UGT2B7: variants seen among roughly 807,000 people sequenced by gnomAD.
UGT2B7 encodes the protein UDP-glucuronosyltransferase 2B7.
In UGT2B7, 51 loss-of-function variants were observed where a neutral mutation model predicts 51.9. The ratio of observed to expected loss-of-function variants is 0.98; its 90% CI spans 0.78 to 1.24. The LOEUF is 1.24. Among genes scored for constraint, UGT2B7 ranks in the 50% most tolerant of loss-of-function variants. The probability of loss-of-function intolerance (pLI) is 0.00; values close to 1 mark genes in which losing one functional copy is unlikely to be tolerated. For missense variants in UGT2B7, 727 were observed against 628.4 expected (o/e 1.16, Z -1.68); for synonymous variants, 225 against 211.6 (o/e 1.06, Z -0.55).
chr4:69,106,641 G>A (rs184038850), intron 3 of UGT2B7, among the ~76,000 whole-genome samples: 2 of 152,094 alleles, frequency 1.3e-5, no homozygotes, highest in East Asian at 3.9e-4. Context: ...TGGGTTTCAT[G>A]GTATTTTTAC....
chr4:69,055,307 A>G (rs1024971864), intron 1 of UGT2B7, among the ~76,000 whole-genome samples: 1 of 150,792 alleles, frequency 6.6e-6, no homozygotes, highest in Non-Finnish European at 1.5e-5. Flanking sequence ...TGTCATTTAG[A>G]CTACTTAAAA....
intron 1 of UGT2B7, among the ~76,000 whole-genome samples, chr4:69,059,422 G>A (rs1171359751): frequency 6.6e-6 from 1 of 152,158 alleles, no homozygotes; most frequent in East Asian, 1.9e-4. Flanking sequence ...GATTACATTT[G>A]GGCCACAAGG....
chr4:69,055,098 TAAAAAAAAAAAAAAAA>T (rs1178892377), intron 1 of UGT2B7, among the ~76,000 whole-genome samples: 9 of 22,564 alleles, frequency 4.0e-4, no homozygotes, highest in East Asian at 2.1e-3. Context: ...AAGTAATAGC[TAAAAAAAAAAAAAAAA>T]AAAAAAAAAA....
At chr4:69,066,010 T>C (rs1011880555) in intron 1 of UGT2B7, among the ~76,000 whole-genome samples, 10 of 152,186 alleles carry the variant, frequency 6.6e-5, no homozygotes, top group Non-Finnish European at 1.5e-4. Flanking sequence ...AAAATATAGT[T>C]GTTCCATTTA....
At chr4:69,057,932 G>T (rs1316920360) in intron 1 of UGT2B7, among the ~76,000 whole-genome samples, 1 of 152,196 alleles carries the variant, frequency 6.6e-6, no homozygotes, top group Non-Finnish European at 1.5e-5. Flanking sequence ...TGTGTTTAAG[G>T]TGGTGACCGG....
intron 1 of UGT2B7, among the ~76,000 whole-genome samples, chr4:69,058,322 A>T (rs1718257554): frequency 6.6e-6 from 1 of 152,148 alleles, no homozygotes; most frequent in Non-Finnish European, 1.5e-5. Context: ...CTCACCTGAG[A>T]TGGAAAAATC....
intron 1 of UGT2B7, among the ~76,000 whole-genome samples, chr4:69,072,945 G>A (rs1718630990): frequency 6.6e-6 from 1 of 152,144 alleles, no homozygotes. Flanking sequence ...AGGAGACATG[G>A]CTTTCTTTTG....
intron 1 of UGT2B7, among the ~76,000 whole-genome samples, chr4:69,081,869 C>T (rs913554577): frequency 2.0e-5 from 3 of 152,112 alleles, no homozygotes; most frequent in African/African-American, 4.8e-5. Flanking sequence ...ATGGTTTACA[C>T]ATATTTAGGT....
intron 1 of UGT2B7, among the ~76,000 whole-genome samples, chr4:69,087,735 A>G (rs1465305604): frequency 6.6e-6 from 1 of 151,652 alleles, no homozygotes; most frequent in Non-Finnish European, 1.5e-5. Flanking sequence ...TTTTTTCAGC[A>G]CTTTAAATGT....
chr4:69,101,836 T>G (rs1186837170), intron 2 of UGT2B7, among the ~76,000 whole-genome samples: 4 of 152,148 alleles, frequency 2.6e-5, no homozygotes, highest in African/African-American at 9.7e-5. Flanking sequence ...CAAGCACATC[T>G]TCACTAGGAA....
intron 3 of UGT2B7, among the ~76,000 whole-genome samples, chr4:69,104,971 G>A (rs906946391): frequency 2.0e-5 from 3 of 152,050 alleles, no homozygotes; most frequent in African/African-American, 4.8e-5. Flanking sequence ...CAGCCTAGGC[G>A]GACAGACAAC....
upstream of UGT2B7, among the ~76,000 whole-genome samples, chr4:69,095,110 T>C (rs1378529080): frequency 6.6e-6 from 1 of 152,214 alleles, no homozygotes; most frequent in Non-Finnish European, 1.5e-5. Flanking sequence ...ACCAACAGTT[T>C]CATATGCTTA....
intron 3 of UGT2B7, among the ~76,000 whole-genome samples, chr4:69,103,541 A>G (rs1719494229): frequency 6.6e-6 from 1 of 152,224 alleles, no homozygotes; most frequent in Admixed American, 6.5e-5. Flanking sequence ...TATTTCAGTT[A>G]AGTGAAAATG....
intron 1 of UGT2B7, among the ~76,000 whole-genome samples, chr4:69,052,240 TAGAC>T (rs1219200290): frequency 1.3e-5 from 2 of 151,854 alleles, no homozygotes; most frequent in African/African-American, 4.8e-5. Flanking sequence ...TTTCCATACA[TAGAC>T]AGTTACAGCT....
chr4:69,058,638 G>T (rs964761766), intron 1 of UGT2B7, among the ~76,000 whole-genome samples: 1 of 152,204 alleles, frequency 6.6e-6, no homozygotes, highest in Admixed American at 6.5e-5. Flanking sequence ...TGCTGAACAC[G>T]GCATTTGTAG....
intron 1 of UGT2B7, among the ~76,000 whole-genome samples, chr4:69,061,010 A>G (rs938265543): frequency 7.2e-5 from 11 of 152,142 alleles, no homozygotes; most frequent in African/African-American, 2.4e-4. Context: ...GGAGACCTGG[A>G]CATTGAATAT....
intron 1 of UGT2B7, among the ~76,000 whole-genome samples, chr4:69,058,176 G>A (rs1007970571): frequency 3.3e-5 from 5 of 152,146 alleles, no homozygotes; most frequent in African/African-American, 1.2e-4. Context: ...GAGACAAAAA[G>A]AAAGCCACAG....
intron 1 of UGT2B7, among the ~76,000 whole-genome samples, chr4:69,059,407 G>A (rs1460005133): frequency 6.6e-6 from 1 of 152,134 alleles, no homozygotes; most frequent in Non-Finnish European, 1.5e-5. Context: ...AAAACTGCAG[G>A]TACAGATTAC....
chr4:69,092,432 T>C (rs1719105287), upstream of UGT2B7, among the ~76,000 whole-genome samples: 1 of 152,196 alleles, frequency 6.6e-6, no homozygotes, highest in Non-Finnish European at 1.5e-5. Flanking sequence ...TAATTTTCTC[T>C]GGGGAGCTAG....
Sources: allele counts gnomAD v4.1 joint callset (sites outside exome capture counted in the v4.1 genomes callset), GRCh38; gene constraint gnomAD v4.1.1; transcripts MANE v1.5; gene names NCBI Gene and HGNC (gene_info 2026-07-23, HGNC 2026-07-21).